The following ADAMTS20 variants were observed in gnomAD, a reference collection of about 807,000 sequenced individuals.
ADAMTS20 encodes ADAM metallopeptidase with thrombospondin type 1 motif 20, also known as A disintegrin and metalloproteinase with thrombospondin motifs 20.
Under a neutral mutation model 260.1 loss-of-function variants are expected in ADAMTS20, and 225 were observed. The ratio of observed to expected loss-of-function variants is 0.87; its 90% CI spans 0.78 to 0.97. The LOEUF (loss-of-function observed/expected upper bound fraction) is 0.97. Ranked by LOEUF, ADAMTS20 falls within the 50% of genes least tolerant of loss-of-function variation. The pLI is 0.00. For synonymous variants in ADAMTS20, 802 were observed against 769.5 expected, an observed-to-expected ratio of 1.04 and a Z score of -0.70; for missense variants, 2,400 against 2,337.7, an observed-to-expected ratio of 1.03 and a Z score of -0.55.
Position 43,425,656 on chromosome 12 carries a change from C to A in ADAMTS20, c.4142G>T (p.Arg1381Ile), listed in dbSNP as rs1565691730. Residue 1381 changes from arginine to isoleucine, a missense_variant, in exon 28 of 39, where the codon AGA (arginine) becomes ATA (isoleucine). Physicochemically the swap from Arg to Ile is moderately conservative, Grantham distance 97. Transcript: ENST00000389420. ...SQTCGGGIKSRLVICQFPNGQ... is the reference protein window; with the variant it reads ...SQTCGGGIKSILVICQFPNGQ... ...ATTGGGAAATTGACATATTACAAGT[C>A]TTGATTTTATTCCTCCTCCACATGT... 6.2e-7 allele frequency: 1 copy of A among 1,605,566 alleles called. No homozygotes were observed. The highest frequency in any genetic ancestry group is 1.7e-5 in the Admixed American group (1 of 59,174).
Position 43,495,511 on chromosome 12 carries a change from A to G in ADAMTS20, c.868-2258T>C, listed in dbSNP as rs537862121. Among the ~76,000 whole-genome samples the G allele has an allele frequency of 7.8e-4, 119 of 152,328 alleles. 1 individual carries two copies. Among genetic ancestry groups the G allele is most frequent in the African/African-American group, 2.8e-3 (117 of 41,594 alleles). On this transcript the variant is annotated intron_variant, in intron 4 of 38. Coordinates refer to ENST00000389420, the MANE Select transcript of ADAMTS20 (RefSeq NM_025003.5). ...AAAGCTTTTTCAGAAGAAAAGGCAT[A>G]ATACAGATATAGATATACATAATGC...
At chr12:43,358,844 A>C (rs1057118409) in intron 37 of ADAMTS20, among the ~76,000 whole-genome samples, 2 of 151,412 alleles carry the variant, frequency 1.3e-5, no homozygotes, top group Non-Finnish European at 2.9e-5. Context: ...CTCAAAAAAA[A>C]AAAAAAAAAA....
chr12:43,408,885 T>C (rs976576168), intron 28 of ADAMTS20, among the ~76,000 whole-genome samples: 10 of 152,130 alleles, frequency 6.6e-5, no homozygotes, highest in South Asian at 6.2e-4. Flanking sequence ...GGCCTACAAT[T>C]GAATCTCAGC....
chr12:43,483,926 C>A (rs1372025008), intron 7 of ADAMTS20, among the ~76,000 whole-genome samples: 1 of 152,124 alleles, frequency 6.6e-6, no homozygotes, highest in African/African-American at 2.4e-5. Context: ...AAGTGCACAC[C>A]ATGGGGCAAC....
chr12:43,425,660 A>AT lies in ADAMTS20; in HGVS notation c.4137dup (p.Ser1380IlefsTer20). On this transcript the variant is annotated frameshift_variant, in exon 28 of 39. Coordinates refer to ENST00000389420, the MANE Select transcript of ADAMTS20 (RefSeq NM_025003.5). LOFTEE classifies it high-confidence loss of function. ...GGAAATTGACATATTACAAGTCTTG[A>AT]TTTTATTCCTCCTCCACATGTTTGT... 2 of 1,605,610 alleles carry AT rather than the reference A, an allele frequency of 1.2e-6. No homozygotes were observed. Among genetic ancestry groups the AT allele is most frequent in the Non-Finnish European group, 1.7e-6 (2 of 1,175,126 alleles).
At chr12:43,412,123 G>GA (rs377595117) in intron 28 of ADAMTS20, among the ~76,000 whole-genome samples, 21 of 152,144 alleles carry the variant, frequency 1.4e-4, no homozygotes, top group African/African-American at 4.8e-4. Flanking sequence ...TGCTATGTAG[G>GA]AAAAAACCAC....
chr12:43,358,927 A>C (rs1481454680), intron 37 of ADAMTS20, among the ~76,000 whole-genome samples: 2 of 146,914 alleles, frequency 1.4e-5, no homozygotes, highest in African/African-American at 5.2e-5. Flanking sequence ...TTTAGAAGTA[A>C]TAAATAAGTG....
Position 43,468,663 on chromosome 12 carries a change from C to T in ADAMTS20, c.1160G>A (p.Cys387Tyr), listed in dbSNP as rs1592084816. Residue 387 changes from cysteine (C) to tyrosine (Y), a missense_variant, in exon 8 of 39, where the codon TGC (cysteine) becomes TAC (tyrosine). Physicochemically the swap from Cys to Tyr is radical, Grantham distance 194. Coordinates refer to ENST00000389420, the MANE Select transcript of ADAMTS20 (RefSeq NM_025003.5). ...LGTICDPLQS[C>Y]FINEEKGLIS... ...GAGTCCTTTTTCTTCATTAATAAAG[C>T]AGCTTTGTAAAGGATCACATATGGT... is the stretch of plus-strand genomic sequence containing the variant. 6.2e-7 allele frequency: 1 copy of T among 1,610,788 alleles called. No homozygotes were observed. The highest frequency in any genetic ancestry group is 2.2e-5 in the East Asian group (1 of 44,746).
intron 8 of ADAMTS20, among the ~76,000 whole-genome samples, chr12:43,467,991 A>AT (rs575491880): frequency 2.0e-4 from 30 of 152,106 alleles, no homozygotes; most frequent in African/African-American, 7.0e-4. Flanking sequence ...GGGGTTTCTG[A>AT]TTTTCCATGG....
chr12:43,446,628 T>G lies in ADAMTS20; in HGVS notation c.2164A>C (p.Thr722Pro). The change falls in exon 15 of 39, where the codon ACA (threonine) becomes CCA (proline). Residue 722 changes from threonine (T) to proline (P), a missense_variant. Transcript: ENST00000389420. ...GAACTGTTGAAGACACCTGTTATTGTCTTGCATGAAGAGTTGTCCCCACCA... is the reference window on the plus strand; with the variant it reads ...GAACTGTTGAAGACACCTGTTATTGGCTTGCATGAAGAGTTGTCCCCACCA... ...VCGGDNSSCK[T>P]ITGVFNSSHY... is the part of the protein sequence containing the mutation. 6.2e-7 allele frequency: 1 copy of G among 1,613,400 alleles called. No individual in the cohort carries two copies.
chr12:43,426,335 G>A (rs548334933), intron 27 of ADAMTS20, among the ~76,000 whole-genome samples: 7 of 152,140 alleles, frequency 4.6e-5, no homozygotes, highest in South Asian at 2.1e-4. Context: ...AAGTACTTTC[G>A]TTTTGGAAAA....
At position 43,375,443 on chromosome 12, in the gene ADAMTS20, G is replaced by GTGTCC. The variant is rs777363084; in HGVS notation, c.5377_5381dup (p.His1794GlnfsTer4). On this transcript the variant is annotated frameshift_variant, in exon 36 of 39. Coordinates refer to ENST00000389420, the MANE Select transcript of ADAMTS20 (RefSeq NM_025003.5). LOFTEE classifies it high-confidence loss of function. ...TGAAAACAGTGTATCCAGCAGCTAA[G>GTGTCC]TGTCCATTGTCACATTCACAGTCTT... 6.2e-7 allele frequency: 1 copy of GTGTCC among 1,613,490 alleles called. No individual in the cohort carries two copies. The highest frequency in any genetic ancestry group is 2.2e-5 in the East Asian group (1 of 44,830).
At chr12:43,501,504 T>C (rs6582468) in intron 4 of ADAMTS20, among the ~76,000 whole-genome samples, 71,090 of 117,226 alleles carry the variant, frequency 0.61, 18,312 homozygotes, top group East Asian at 0.97. Context: ...CACACACACA[T>C]GTAAGGATGA....
chr12:43,493,505 C>A (rs1333280076), intron 4 of ADAMTS20, among the ~76,000 whole-genome samples: 1 of 152,152 alleles, frequency 6.6e-6, no homozygotes, highest in Non-Finnish European at 1.5e-5. Context: ...GCTACTGAGA[C>A]TGATCCATGG....
At chr12:43,507,399 C>T (rs917664092) in intron 3 of ADAMTS20, among the ~76,000 whole-genome samples, 16 of 152,192 alleles carry the variant, frequency 1.1e-4, no homozygotes, top group East Asian at 1.9e-4. Context: ...GGACTACAAG[C>T]GGCCCTCATC....
chr12:43,529,634 T>C (rs1404055920), intron 3 of ADAMTS20, among the ~76,000 whole-genome samples: 3 of 152,040 alleles, frequency 2.0e-5, no homozygotes, highest in African/African-American at 4.8e-5. Context: ...AGTGATATAA[T>C]GGACTTTGGA....
At position 43,361,846 on chromosome 12, in the gene ADAMTS20, A is replaced by C. The variant is rs1939874596; in HGVS notation, c.5539-5258T>G. Reference sequence around the variant, plus strand: ...ATAAGAAAATTCATTAATAAAATAAAATAAAATTTTAATTCCATTTGACAG... The same window carrying C: ...ATAAGAAAATTCATTAATAAAATAACATAAAATTTTAATTCCATTTGACAG... On this transcript the variant is annotated intron_variant, in intron 37 of 38. Transcript: ENST00000389420. 3.3e-5 allele frequency among the ~76,000 whole-genome samples: 5 copies of C among 152,230 alleles called. No individual in the cohort carries two copies. The South Asian group carries it at 6.2e-4, about 19-fold the overall frequency.
intron 3 of ADAMTS20, among the ~76,000 whole-genome samples, chr12:43,514,640 G>A (rs1942974424): frequency 7.2e-6 from 1 of 138,910 alleles, no homozygotes; most frequent in Admixed American, 7.3e-5. Context: ...GAAATTCTAA[G>A]TGAAGAAGTC....
intron 11 of ADAMTS20, 72 bp from the exon 12 acceptor site, chr12:43,454,124 A>G (rs929985676): frequency 8.6e-6 from 13 of 1,519,590 alleles, no homozygotes; most frequent in South Asian, 1.2e-5. Flanking sequence ...TTATAATAGC[A>G]GCATAAAGAT....
Sources: gnomAD v4.1 joint callset for allele counts (sites outside exome capture counted in the v4.1 genomes callset) on GRCh38, gnomAD v4.1.1 for gene constraint, MANE v1.5 for transcripts, NCBI Gene and HGNC (gene_info 2026-07-23, HGNC 2026-07-21) for gene names.